The following SMYD3 variants were observed in gnomAD, a reference collection of about 807,000 sequenced individuals.
SMYD3 encodes the protein histone-lysine N-methyltransferase SMYD3.
A neutral mutation model predicts 57.7 loss-of-function variants in SMYD3; 36 were observed. The observed-to-expected ratio is 0.62, with a 90% CI of 0.48 to 0.82. The LOEUF (loss-of-function observed/expected upper bound fraction) is 0.82, where lower values mean the gene tolerates loss of function less well. Among genes scored for constraint, SMYD3 ranks in the 40% least tolerant of loss-of-function variants. The pLI, the probability that SMYD3 is intolerant of heterozygous loss-of-function variation, is 0.00. For missense variants in SMYD3, 515 were observed against 538.8 expected (o/e 0.96, Z 0.44); for synonymous variants, 211 against 195.0 (o/e 1.08, Z -0.68).
At chr1:246,266,456 G>A (rs1614920) in intron 5 of SMYD3, among the ~76,000 whole-genome samples, 48,007 of 151,824 alleles carry the variant, frequency 0.32, 8,203 homozygotes, top group East Asian at 0.59. Flanking sequence ...TATGCCGATA[G>A]TGAAGTCTTA....
At chr1:246,392,986 C>A (rs1025309013) in intron 1 of SMYD3, among the ~76,000 whole-genome samples, 2 of 151,980 alleles carry the variant, frequency 1.3e-5, no homozygotes, top group Admixed American at 6.6e-5. Context: ...ACAGAGAATA[C>A]AGGTGTTGAC....
intron 1 of SMYD3, among the ~76,000 whole-genome samples, chr1:246,366,048 G>A (rs1248375960): frequency 6.6e-6 from 1 of 152,092 alleles, no homozygotes; most frequent in Admixed American, 6.6e-5. Flanking sequence ...CATACAAAAT[G>A]TTTGTTCTTG....
intron 2 of SMYD3, among the ~76,000 whole-genome samples, chr1:246,340,118 CA>C (rs2065609253): frequency 6.6e-6 from 1 of 152,016 alleles, no homozygotes; most frequent in Non-Finnish European, 1.5e-5. Flanking sequence ...AAACAAAATA[CA>C]ATTCTATAAT....
intron 8 of SMYD3, among the ~76,000 whole-genome samples, chr1:245,870,456 C>T (rs1466163611): frequency 6.6e-6 from 1 of 152,176 alleles, no homozygotes; most frequent in African/African-American, 2.4e-5. Context: ...CTACCTCAAA[C>T]ACCATCCTGA....
intron 5 of SMYD3, among the ~76,000 whole-genome samples, chr1:246,181,466 A>C (rs10802343): frequency 0.18 from 27,920 of 152,186 alleles, 3,494 homozygotes; most frequent in African/African-American, 0.33. Flanking sequence ...ATGGCAGTAC[A>C]TCTGACATCC....
chr1:245,912,563 A>G (rs1239595193), intron 8 of SMYD3, among the ~76,000 whole-genome samples: 1 of 152,194 alleles, frequency 6.6e-6, no homozygotes, highest in Admixed American at 6.5e-5. Context: ...TACCGAGCAA[A>G]AAGAACAAAG....
At chr1:245,851,613 GAC>G (rs1033287352) in intron 10 of SMYD3, among the ~76,000 whole-genome samples, 4 of 152,218 alleles carry the variant, frequency 2.6e-5, no homozygotes, top group Admixed American at 2.6e-4. Flanking sequence ...GATGTGGAAA[GAC>G]ACACACAGAC....
At chr1:245,954,669 G>C (rs1435012429) in intron 5 of SMYD3, among the ~76,000 whole-genome samples, 1 of 152,190 alleles carries the variant, frequency 6.6e-6, no homozygotes, top group Non-Finnish European at 1.5e-5. Flanking sequence ...TGGTGACACA[G>C]CAAGACTGTC....
chr1:245,794,214 G>A lies in SMYD3; in HGVS notation c.1077-30065C>T, dbSNP rs533623576. ...ATTTCTATACTCAACACTGTTCTAC[G>A]CATTCTACAACTTCTCTCTGGGTTT... On this transcript the variant is annotated intron_variant, in intron 10 of 11. Coordinates refer to ENST00000490107, the MANE Select transcript of SMYD3 (RefSeq NM_001167740.2). Among the ~76,000 whole-genome samples, 8 of 152,184 alleles carry A rather than the reference G, an allele frequency of 5.3e-5. No homozygotes were observed. The South Asian group carries it at 1.2e-3, about 24-fold the overall frequency.
At chr1:246,261,589 G>C (rs1248985479) in intron 5 of SMYD3, among the ~76,000 whole-genome samples, 1 of 151,704 alleles carries the variant, frequency 6.6e-6, no homozygotes, top group African/African-American at 2.4e-5. Context: ...TTTTTTAAAT[G>C]GTTAGCTCAG....
intron 10 of SMYD3, among the ~76,000 whole-genome samples, chr1:245,812,155 A>G (rs1290689780): frequency 6.6e-6 from 1 of 152,136 alleles, no homozygotes; most frequent in East Asian, 1.9e-4. Context: ...TGGGCAACTC[A>G]CTTTACCTCG....
intron 5 of SMYD3, among the ~76,000 whole-genome samples, chr1:245,951,583 AC>A (rs1443601895): frequency 5.4e-5 from 8 of 149,254 alleles, no homozygotes; most frequent in South Asian, 4.4e-4. Context: ...AAAAAAAAAA[AC>A]AATTGCCATG....
chr1:246,429,308 T>G (rs1658999794), intron 1 of SMYD3, among the ~76,000 whole-genome samples: 1 of 152,064 alleles, frequency 6.6e-6, no homozygotes, highest in Non-Finnish European at 1.5e-5. Context: ...ATGGTATAAC[T>G]TACTAAAATT....
intron 3 of SMYD3, among the ~76,000 whole-genome samples, chr1:246,330,884 C>T (rs970590070): frequency 5.9e-5 from 9 of 152,226 alleles, no homozygotes; most frequent in Admixed American, 3.9e-4. Flanking sequence ...CTATAATCCC[C>T]GATACTTTGG....
At chr1:246,473,191 A>T (rs2067983466) in intron 1 of SMYD3, among the ~76,000 whole-genome samples, 1 of 152,130 alleles carries the variant, frequency 6.6e-6, no homozygotes, top group South Asian at 2.1e-4. Flanking sequence ...TTTGGTAGGT[A>T]TCTTAATGTT....
chr1:246,362,432 TTTCCCACGGTCTCCCTCTCCCTCTCCC>T (rs2066003444), intron 1 of SMYD3, among the ~76,000 whole-genome samples: 3 of 134,898 alleles, frequency 2.2e-5, no homozygotes, highest in Non-Finnish European at 4.7e-5. Context: ...TCCCTCTCCC[TTTCCCACGGTCTCCCTCTCCCTCTCCC>T]TCTCCACGGT....
chr1:245,921,842 A>G (rs2055986142), intron 7 of SMYD3, among the ~76,000 whole-genome samples: 1 of 152,128 alleles, frequency 6.6e-6, no homozygotes, highest in African/African-American at 2.4e-5. Context: ...GCACTACTAG[A>G]GAGGGAGGTA....
At chr1:246,018,192 C>T (rs949455690) in intron 5 of SMYD3, among the ~76,000 whole-genome samples, 1 of 152,196 alleles carries the variant, frequency 6.6e-6, no homozygotes, top group Non-Finnish European at 1.5e-5. Context: ...TTTATTTCTA[C>T]ACAGCTCTTT....
At chr1:245,979,689 G>GT (rs2058548946) in intron 5 of SMYD3, among the ~76,000 whole-genome samples, 1 of 152,092 alleles carries the variant, frequency 6.6e-6, no homozygotes. Flanking sequence ...AAATTTTGTT[G>GT]TTTTAAGCTA....
Sources: gnomAD v4.1 joint callset for allele counts (sites outside exome capture counted in the v4.1 genomes callset) on GRCh38, gnomAD v4.1.1 for gene constraint, MANE v1.5 for transcripts, NCBI Gene and HGNC (gene_info 2026-07-23, HGNC 2026-07-21) for gene names.